Variants in ODC1 observed in about 807,000 individuals in gnomAD.
ODC1 encodes the protein ornithine decarboxylase.
A neutral mutation model predicts 41.5 loss-of-function variants in ODC1; 18 were observed. That is an observed-to-expected ratio of 0.43 (90% CI 0.30 to 0.64). ODC1 has a LOEUF of 0.64. ODC1 is among the 30% of genes least tolerant of loss of function. The probability of loss-of-function intolerance (pLI) is 0.11; values close to 1 mark genes in which losing one functional copy is unlikely to be tolerated. For missense variants in ODC1, 504 were observed against 589.0 expected (o/e 0.86, Z 1.49); for synonymous variants, 218 against 211.6 (o/e 1.03, Z -0.26).
In ODC1 at chr2:10,445,026, T is replaced by G; in HGVS notation, c.7A>C (p.Asn3His). ...CAGTCAAACTCTTCATTACCAAAGTTGTTCATGATTTCTTGATGTTCCTCT... is the reference window on the plus strand; with the variant it reads ...CAGTCAAACTCTTCATTACCAAAGTGGTTCATGATTTCTTGATGTTCCTCT... Reference protein sequence around the residue: MNNFGNEEFDCHF... With the variant: MNHFGNEEFDCHF... The change falls in exon 3 of 12, where the codon AAC becomes CAC. Residue 3 changes from asparagine (N) to histidine (H), a missense_variant. Coordinates refer to ENST00000234111, the MANE Select transcript of ODC1 (RefSeq NM_002539.3). 6.2e-7 allele frequency: 1 copy of G among 1,608,416 alleles called. No homozygotes were observed.
rs781120730 is a variant in ODC1, at chr2:10,443,555, C to T, written c.601G>A (p.Gly201Ser). ...VVGVSFHVGS[G>S]CTDPETFVQA... ...ACGAAGGTCTCAGGATCGGTACAGC[C>T]GCTTCCTACATGGAAGCTGGGGTAA... The change falls in exon 7 of 12, where the codon GGC becomes AGC. Residue 201 changes from glycine (G) to serine (S), a missense_variant. This residue lies in a region of ODC1 where 447 missense variants were observed against 524.4 expected (regional missense o/e 0.85). Coordinates refer to ENST00000234111, the MANE Select transcript of ODC1 (RefSeq NM_002539.3). 9.9e-6 allele frequency: 16 copies of T among 1,613,594 alleles called. No homozygotes were observed. The highest frequency in any genetic ancestry group is 3.3e-5 in the South Asian group (3 of 91,064).
Position 10,443,712 on chromosome 2 carries a change from C to T in ODC1, c.574G>A (p.Val192Ile). Residue 192 changes from valine to isoleucine, a missense_variant, in exon 6 of 12, where the codon GTT becomes ATT. Val to Ile is a conservative substitution (Grantham distance 29). Around this residue, in one of 3 missense-constraint regions of ODC1, gnomAD observed 447 missense variants for 524.4 expected, o/e 0.85. Coordinates refer to ENST00000234111, the MANE Select transcript of ODC1 (RefSeq NM_002539.3). ...CCACCAAAATCTCACCTGACACCAA[C>T]AACATCGATATTTAGCTCTTTCGCC... is the stretch of plus-strand genomic sequence containing the variant. ...ERAKELNIDV[V>I]GVSFHVGSGC... 3 of 1,614,156 alleles carry T rather than the reference C, an allele frequency of 1.9e-6. No individual in the cohort carries two copies. Among genetic ancestry groups the T allele is most frequent in the Non-Finnish European group, 2.5e-6 (3 of 1,180,004 alleles).
chr2:10,440,953 T>A, intron 11 of ODC1, 85 bp from the exon 12 acceptor site: 1 of 1,484,198 alleles, frequency 6.7e-7, no homozygotes, highest in Non-Finnish European at 9.1e-7. Context: ...AGGAAACAAT[T>A]CAATGTATTT....
Position 10,445,171 on chromosome 2 carries a change from T to G in ODC1, c.-34A>C. 1 of 601,976 alleles carries G rather than the reference T, an allele frequency of 1.7e-6. No homozygotes were observed. Among genetic ancestry groups the G allele is most frequent in the Non-Finnish European group, 2.9e-6 (1 of 339,076 alleles). The allele number at this position is 601,976 out of a possible 1,614,324, so 37.3% of individuals were successfully genotyped here. On this transcript the variant is annotated 5_prime_UTR_variant, in exon 2 of 12. Transcript: ENST00000234111. ...AATACTTACATGGAAAACTAAGAGA[T>G]GGAATTGAAAGAAATATTTCCAGCT...
rs775619474 is a variant in ODC1 at position 10,441,853 on chromosome 2, G to A, written c.990C>T (p.Leu330=). The change falls in exon 10 of 12, where the codon CTC becomes CTT. Residue 330 remains leucine (L), a synonymous_variant. Transcript: ENST00000234111. ...GGGGCTTTACATGTGCGTGGTCATA[G>A]AGTATGCAATTAAATGATCCATAGA... ...DGVYGSFNCI[L]YDHAHVKPLL... is the part of the protein sequence containing the mutation. 2 of 1,614,146 alleles carry A rather than the reference G, an allele frequency of 1.2e-6. No individual in the cohort carries two copies. Among genetic ancestry groups the A allele is most frequent in the South Asian group, 1.1e-5 (1 of 91,070 alleles).
intron 1 of ODC1, chr2:10,446,739 G>A (rs1672026240): frequency 4.2e-6 from 2 of 473,192 alleles, no homozygotes; most frequent in East Asian, 7.2e-5. Flanking sequence ...TTCAGTGCCA[G>A]CAGCCTACGG....
rs376445830 is a variant in ODC1, at chr2:10,444,628, T to C, written c.122A>G (p.Tyr41Cys). ...VSSSDDKDAFYVADLGDILKK... is the reference protein window; with the variant it reads ...VSSSDDKDAFCVADLGDILKK... ...TAGAATGTCTCCCAGGTCTGCCACA[T>C]AGAAGGCATCCTTATCATCCTGAAA... is the stretch of plus-strand genomic sequence containing the variant. Residue 41 changes from tyrosine (Y) to cysteine (C), a missense_variant, in exon 4 of 12, where the codon TAT (tyrosine) becomes TGT (cysteine). Physicochemically the swap from Tyr to Cys is radical, Grantham distance 194. Coordinates refer to ENST00000234111, the MANE Select transcript of ODC1 (RefSeq NM_002539.3). The C allele has an allele frequency of 6.8e-6, 11 of 1,613,344 alleles. No individual in the cohort carries two copies. The highest frequency in any genetic ancestry group is 2.2e-5 in the East Asian group (1 of 44,902).
intron 11 of ODC1, 32 bp downstream of exon 11, chr2:10,441,477 G>A: frequency 6.2e-7 from 1 of 1,600,890 alleles, no homozygotes; most frequent in South Asian, 1.1e-5. Context: ...GCCTATTCTT[G>A]GCAGCACCAT....
In ODC1 at chr2:10,440,889, T is replaced by C. The variant is rs571878118; in HGVS notation, c.1242-21A>G. The C allele has an allele frequency of 3.1e-6, 5 of 1,613,560 alleles. No individual in the cohort carries two copies. In the Admixed American group the frequency reaches 5.0e-5, roughly 16 times the overall value. On this transcript the variant is annotated intron_variant, in intron 11 of 11. Coordinates refer to ENST00000234111, the MANE Select transcript of ODC1 (RefSeq NM_002539.3). ...GTTGCCTGAGAAAGAAAAAGTGGCA[T>C]ATTAAAAACCCTGACTCACTCCTAA...
intron 11 of ODC1, 31 bp from the exon 12 acceptor site, chr2:10,440,899 C>T: frequency 1.9e-6 from 3 of 1,612,940 alleles, no homozygotes; most frequent in South Asian, 1.1e-5. Context: ...TATTAAAAAC[C>T]CTGACTCACT....
intron 11 of ODC1, 103 bp from the exon 12 acceptor site, chr2:10,440,971 TTC>T: frequency 1.5e-6 from 2 of 1,349,508 alleles, no homozygotes; most frequent in Non-Finnish European, 2.0e-6. Context: ...TTTTTTTTTT[TTC>T]TGAGACAGGG....
Position 10,448,293 on chromosome 2 carries a change from G to A in ODC1, c.-300C>T, listed in dbSNP as rs907256482. 13 of 248,054 alleles carry A rather than the reference G, an allele frequency of 5.2e-5. No homozygotes were observed. The highest frequency in any genetic ancestry group is 7.7e-5 in the Non-Finnish European group (10 of 130,274). 15.4% of individuals were successfully genotyped at this position (248,054 alleles called of 1,614,324 possible). A position where few individuals can be genotyped will look rare whatever the true frequency, so the allele number is the denominator to read the frequency against. On this transcript the variant is annotated 5_prime_UTR_variant, in exon 1 of 12. Transcript: ENST00000234111. ...CCGGAGCTGCTGGCAGAGGGGCGGC[G>A]GGCGGCGGCGGCGGCGGCTACAGGA...
At chr2:10,444,070 G>GC in intron 5 of ODC1, 25 bp downstream of exon 5, 1 of 1,558,626 alleles carries the variant, frequency 6.4e-7, no homozygotes, top group South Asian at 1.2e-5. Flanking sequence ...TCCCGATCTT[G>GC]CCCTCAGATG....
Position 10,444,493 on chromosome 2 carries a change from C to T in ODC1, c.257G>A (p.Gly86Glu). ...IVKTLAATGT[G>E]FDCASKTEIQ... Reference sequence around the variant, plus strand: ...GCTTACCTTGCTAGCACAGTCAAATCCTGTCCCGGTAGCAGCAAGGGTCTT... The same window carrying T: ...GCTTACCTTGCTAGCACAGTCAAATTCTGTCCCGGTAGCAGCAAGGGTCTT... Residue 86 changes from glycine (G) to glutamate (E), a missense_variant, in exon 4 of 12, where the codon GGA becomes GAA. Gly to Glu is a moderately conservative substitution (Grantham distance 98). This residue lies in a region of ODC1 where 447 missense variants were observed against 524.4 expected (regional missense o/e 0.85). Coordinates refer to ENST00000234111, the MANE Select transcript of ODC1 (RefSeq NM_002539.3). The T allele has an allele frequency of 6.2e-7, 1 of 1,612,652 alleles. No individual in the cohort carries two copies. Among genetic ancestry groups the T allele is most frequent in the Non-Finnish European group, 8.5e-7 (1 of 1,179,508 alleles).
chr2:10,444,895 T>A (rs1284906204), intron 3 of ODC1, 36 bp downstream of exon 3: 13 of 1,464,326 alleles, frequency 8.9e-6, no homozygotes, highest in African/African-American at 1.4e-5. Context: ...CCTGGCACTC[T>A]CAGCTGCACT....
chr2:10,448,299 C>T lies in ODC1; in HGVS notation c.-306G>A. The T allele has an allele frequency of 4.0e-6, 1 of 249,418 alleles. No individual in the cohort carries two copies. Among genetic ancestry groups the T allele is most frequent in the East Asian group, 7.1e-5 (1 of 14,068 alleles). The allele number at this position is 249,418 out of a possible 1,614,324, so 15.5% of individuals were successfully genotyped here. On this transcript the variant is annotated 5_prime_UTR_variant, in exon 1 of 12. Transcript: ENST00000234111. ...CTGCTGGCAGAGGGGCGGCGGGCGG[C>T]GGCGGCGGCGGCTACAGGAGGGACT...
chr2:10,446,975 A>G (rs1473254754), intron 1 of ODC1: 1 of 158,750 alleles, frequency 6.3e-6, no homozygotes, highest in Non-Finnish European at 1.4e-5. Flanking sequence ...TTTGTTACAG[A>G]CATGGTTATA....
At chr2:10,441,272 C>A (rs770969324) in intron 11 of ODC1, among the ~76,000 whole-genome samples, 3 of 152,142 alleles carry the variant, frequency 2.0e-5, no homozygotes, top group Non-Finnish European at 2.9e-5. Context: ...CTAAAGCAAG[C>A]GTTTCTTCAG....
In ODC1 at chr2:10,448,195, A is replaced by T. The variant is rs1192388214; in HGVS notation, c.-202T>A. ...CCGGAGCCTGAGTCGCAGCCGCAGGAGCGCTCGGCCGCCCCCGCCGCGCCC... is the reference window on the plus strand; with the variant it reads ...CCGGAGCCTGAGTCGCAGCCGCAGGTGCGCTCGGCCGCCCCCGCCGCGCCC... On this transcript the variant is annotated 5_prime_UTR_variant, in exon 1 of 12. Coordinates refer to ENST00000234111, the MANE Select transcript of ODC1 (RefSeq NM_002539.3). 1.6e-5 allele frequency: 3 copies of T among 187,914 alleles called. No individual in the cohort carries two copies. Among genetic ancestry groups the T allele is most frequent in the Non-Finnish European group, 3.2e-5 (3 of 92,682 alleles). 11.6% of individuals were successfully genotyped at this position (187,914 alleles called of 1,614,324 possible).
Sources: gnomAD v4.1 joint callset for allele counts (sites outside exome capture counted in the v4.1 genomes callset) on GRCh38, gnomAD v4.1.1 for gene constraint, gnomAD v4.1.1 regional missense constraint, MANE v1.5 for transcripts, NCBI Gene and HGNC (gene_info 2026-07-23, HGNC 2026-07-21) for gene names.